COL5A1: variants seen among roughly 807,000 people sequenced by gnomAD.
COL5A1 encodes collagen alpha-1(V) chain.
A neutral mutation model predicts 263.7 loss-of-function variants in COL5A1; 16 were observed. That is an observed-to-expected ratio of 0.06 (90% CI 0.04 to 0.09). The LOEUF is 0.09. COL5A1 is among the 10% of genes least tolerant of loss of function. The pLI is 1.00. For synonymous variants in COL5A1, 1,012 were observed against 1,004.5 expected (o/e 1.01, Z -0.14); for missense variants, 2,036 against 2,540.5 (o/e 0.80, Z 4.27).
chr9:134,721,037 C>T (rs1046847623), intron 4 of COL5A1, among the ~76,000 whole-genome samples: 17 of 152,248 alleles, frequency 1.1e-4, no homozygotes, highest in Admixed American at 7.2e-4. Context: ...CAGGGTTCCG[C>T]GGGTGTCACC....
intron 65 of COL5A1, among the ~76,000 whole-genome samples, chr9:134,837,286 G>T (rs865972609): frequency 6.6e-6 from 1 of 152,146 alleles, no homozygotes; most frequent in Non-Finnish European, 1.5e-5. Flanking sequence ...AAACTAGCTG[G>T]CCCAGTGGGT....
At chr9:134,736,929 C>G (rs577394728) in intron 9 of COL5A1, among the ~76,000 whole-genome samples, 1 of 152,254 alleles carries the variant, frequency 6.6e-6, no homozygotes, top group Non-Finnish European at 1.5e-5. Flanking sequence ...TGGTGTGCCA[C>G]CTCCTGGGCA....
Position 134,842,104 on chromosome 9 carries a change from C to G in COL5A1, c.5371-53C>G. ...GATTGTGGGGGGTGATTGGTAAACC[C>G]CAAGACCCCCAACTGTTCTTAACCA... On this transcript the variant is annotated intron_variant, in intron 65 of 65. Coordinates refer to ENST00000371817, the MANE Select transcript of COL5A1 (RefSeq NM_000093.5). This position sits in a 1 kb window ranked among gnomAD's most constrained non-coding sequence, Gnocchi z 5.8. 1 of 1,608,936 alleles carries G rather than the reference C, an allele frequency of 6.2e-7. No individual in the cohort carries two copies. Among genetic ancestry groups the G allele is most frequent in the Non-Finnish European group, 8.5e-7 (1 of 1,175,600 alleles).
At chr9:134,726,845 T>C (rs1834674711) in intron 4 of COL5A1, among the ~76,000 whole-genome samples, 2 of 142,734 alleles carry the variant, frequency 1.4e-5, no homozygotes, top group Non-Finnish European at 3.0e-5. Context: ...GATGGAAGGA[T>C]GGATAGATGG....
intron 1 of COL5A1, among the ~76,000 whole-genome samples, chr9:134,665,099 T>C (rs1832318035): frequency 6.6e-6 from 1 of 151,734 alleles, no homozygotes; most frequent in African/African-American, 2.4e-5. Flanking sequence ...CTCAGGAGGC[T>C]GAGGCAGGAG....
chr9:134,725,888 C>G lies in COL5A1; in HGVS notation c.655-1378C>G, dbSNP rs550203480. On this transcript the variant is annotated intron_variant, in intron 4 of 65. Transcript: ENST00000371817. Reference sequence around the variant, plus strand: ...ATGTGGGTTGCATTTATCTTTTGGCCATTGTGACTAATGCTACTATGAACA... The same window carrying G: ...ATGTGGGTTGCATTTATCTTTTGGCGATTGTGACTAATGCTACTATGAACA... Among the ~76,000 whole-genome samples the G allele has an allele frequency of 1.2e-3, 190 of 152,310 alleles. 1 individual carries two copies. The highest frequency in any genetic ancestry group is 6.8e-3 in the Middle Eastern group (2 of 294).
intron 4 of COL5A1, among the ~76,000 whole-genome samples, chr9:134,703,841 G>C (rs1406449998): frequency 6.6e-6 from 1 of 151,774 alleles, no homozygotes; most frequent in Non-Finnish European, 1.5e-5. Context: ...GGGTTTCACT[G>C]TGTTAGCCAG....
intron 1 of COL5A1, among the ~76,000 whole-genome samples, chr9:134,683,926 C>T (rs934520959): frequency 6.6e-6 from 1 of 152,198 alleles, no homozygotes; most frequent in Non-Finnish European, 1.5e-5. Flanking sequence ...CTCCCTTCCT[C>T]GAGGCTGGCA....
At chr9:134,837,066 C>CT (rs1839876153) in intron 65 of COL5A1, among the ~76,000 whole-genome samples, 1 of 152,212 alleles carries the variant, frequency 6.6e-6, no homozygotes, top group Non-Finnish European at 1.5e-5. Context: ...CAAACCATGC[C>CT]TTTAGAGCTC....
In COL5A1 at chr9:134,701,264, C is replaced by T. The variant is rs745852598; in HGVS notation, c.585C>T (p.Asp195=). The T allele has an allele frequency of 1.9e-6, 3 of 1,614,046 alleles. No individual in the cohort carries two copies. The highest frequency in any genetic ancestry group is 2.2e-5 in the East Asian group (1 of 44,874). ...KKTTKFLDRS[D]HPMIDINGII... is the part of the protein sequence containing the mutation. ...CCACCAAATTCCTCGACCGCAGCGA[C>T]CACCCCATGATCGACATCAATGGCA... Residue 195 remains aspartate, a synonymous_variant, in exon 4 of 66, where the codon GAC becomes GAT. Coordinates refer to ENST00000371817, the MANE Select transcript of COL5A1 (RefSeq NM_000093.5).
chr9:134,799,312 C>T (rs868322594), intron 37 of COL5A1, among the ~76,000 whole-genome samples: 3 of 152,304 alleles, frequency 2.0e-5, no homozygotes, highest in African/African-American at 4.8e-5. Context: ...GGTGCAGGCA[C>T]GCCTGTAACC....
chr9:134,728,436 C>T (rs529517132), intron 5 of COL5A1, among the ~76,000 whole-genome samples: 7 of 152,336 alleles, frequency 4.6e-5, no homozygotes, highest in South Asian at 2.1e-4. Context: ...TCTGACTGCT[C>T]GAGGGGACCT....
chr9:134,810,322 C>T lies in COL5A1; in HGVS notation c.3528+14C>T, dbSNP rs371865645. 1.4e-4 allele frequency: 228 copies of T among 1,612,504 alleles called. No individual in the cohort carries two copies. The African/African-American group carries it at 2.2e-3, about 16-fold the overall frequency. ...AAAGGAGAACAGGTAAGTATTGGCA[C>T]GGGGGCGCGCGGCAGCCCCCAGGTC... On this transcript the variant is annotated intron_variant, in intron 44 of 65. Coordinates refer to ENST00000371817, the MANE Select transcript of COL5A1 (RefSeq NM_000093.5).
In COL5A1 at chr9:134,757,279, G is replaced by A. The variant is rs189705442; in HGVS notation, c.1881+461G>A. Among the ~76,000 whole-genome samples the A allele has an allele frequency of 5.3e-5, 8 of 152,220 alleles. No homozygotes were observed. In the East Asian group the frequency reaches 1.4e-3, roughly 26 times the overall value. On this transcript the variant is annotated intron_variant, in intron 17 of 65. Coordinates refer to ENST00000371817, the MANE Select transcript of COL5A1 (RefSeq NM_000093.5). The surrounding 1 kb of genome is among the most constrained non-coding windows in gnomAD (Gnocchi z 6.2). ...CAGGCATGCACCAGCTGTTGCTGTCGCCACTCATGCCTGCCCGCTGCTGTG... is the reference window on the plus strand; with the variant it reads ...CAGGCATGCACCAGCTGTTGCTGTCACCACTCATGCCTGCCCGCTGCTGTG...
At position 134,759,733 on chromosome 9, in the gene COL5A1, TACAC is replaced by T. The variant is rs565632737; in HGVS notation, c.1935+1444_1935+1447del. On this transcript the variant is annotated intron_variant, in intron 18 of 65. Transcript: ENST00000371817. ...ACACACCCCCCCACCCCCACACTCA[TACAC>T]ACACACCACACATGCACACACACCC... 4.2e-3 allele frequency among the ~76,000 whole-genome samples: 171 copies of T among 41,138 alleles called. 4 individuals are homozygous for T. Among genetic ancestry groups the T allele is most frequent in the Middle Eastern group, 0.022 (1 of 46 alleles). The allele number at this position is 41,138 out of a possible 152,430, so 27.0% of individuals were successfully genotyped here.
At chr9:134,662,182 G>T (rs184753789) in intron 1 of COL5A1, among the ~76,000 whole-genome samples, 1 of 151,518 alleles carries the variant, frequency 6.6e-6, no homozygotes, top group African/African-American at 2.4e-5. Context: ...AAGGAGGGTA[G>T]TCTGGTCTCT....
At chr9:134,835,895 C>T (rs1041947695) in intron 65 of COL5A1, among the ~76,000 whole-genome samples, 15 of 152,220 alleles carry the variant, frequency 9.9e-5, no homozygotes, top group African/African-American at 2.9e-4. Flanking sequence ...GGGATGTGCC[C>T]GCGTGTCCTG....
intron 64 of COL5A1, chr9:134,830,347 C>G (rs1226045485): frequency 6.0e-6 from 4 of 663,002 alleles, no homozygotes; most frequent in Non-Finnish European, 1.0e-5. Context: ...CTCCCCAGCC[C>G]CCGCCACCCT....
At position 134,742,129 on chromosome 9, in the gene COL5A1, TCA is replaced by T. The variant is rs1835327170; in HGVS notation, c.1494+3327_1494+3328del. 6.6e-6 allele frequency among the ~76,000 whole-genome samples: 1 copy of T among 152,170 alleles called. No individual in the cohort carries two copies. The highest frequency in any genetic ancestry group is 2.4e-5 in the African/African-American group (1 of 41,438). On this transcript the variant is annotated intron_variant, in intron 11 of 65. Coordinates refer to ENST00000371817, the MANE Select transcript of COL5A1 (RefSeq NM_000093.5). The surrounding 1 kb of genome is among the most constrained non-coding windows in gnomAD (Gnocchi z 4.6). ...TGGCTGGCCCTGGGTGTTGCTTCCTTCACACACTCTGGTGAGCCCTGCACACT... is the reference window on the plus strand; with the variant it reads ...TGGCTGGCCCTGGGTGTTGCTTCCTTCACACTCTGGTGAGCCCTGCACACT...
Sources: gnomAD v4.1 joint callset for allele counts (sites outside exome capture counted in the v4.1 genomes callset) on GRCh38, gnomAD v4.1.1 for gene constraint, Gnocchi (gnomAD v3.1) non-coding constraint, MANE v1.5 for transcripts, NCBI Gene and HGNC (gene_info 2026-07-23, HGNC 2026-07-21) for gene names.